The following NLGN4X variants were observed in gnomAD, a reference collection of about 807,000 sequenced individuals.
The protein encoded by NLGN4X is neuroligin-4, X-linked.
In NLGN4X, 3 loss-of-function variants were observed where a neutral mutation model predicts 40.3. That is an observed-to-expected ratio of 0.07 (90% confidence interval 0.03 to 0.19). The LOEUF (loss-of-function observed/expected upper bound fraction) is 0.19. Ranked by LOEUF, NLGN4X falls within the 10% of genes least tolerant of loss-of-function variation. The pLI, the probability that NLGN4X is intolerant of heterozygous loss-of-function variation, is 1.00. For missense variants in NLGN4X, 382 were observed against 708.3 expected, an observed-to-expected ratio of 0.54 and a Z score of 5.23; for synonymous variants, 270 against 306.8, an observed-to-expected ratio of 0.88 and a Z score of 1.25.
At chrX:5,977,505 A>T (rs1464664658) in intron 3 of NLGN4X, among the ~76,000 whole-genome samples, 2 of 111,452 alleles carry the variant, frequency 1.8e-5, no homozygotes, top group Non-Finnish European at 3.8e-5. Context: ...TACAGGCATG[A>T]GCCACTGTGT....
chrX:6,107,945 T>C lies in NLGN4X; in HGVS notation c.472+43050A>G, dbSNP rs374251710. Among the ~76,000 whole-genome samples, 9 of 112,382 alleles carry C rather than the reference T, an allele frequency of 8.0e-5. No individual in the cohort carries two copies. The South Asian group carries it at 3.3e-3, about 41-fold the overall frequency. On this transcript the variant is annotated intron_variant, in intron 2 of 5. Transcript: ENST00000381095. ...GATGTACTACATTTTCTTTATCCAATGCACTGTTGATGGACACTTAGGTTG... is the reference window on the plus strand; with the variant it reads ...GATGTACTACATTTTCTTTATCCAACGCACTGTTGATGGACACTTAGGTTG...
At chrX:5,941,132 A>C (rs1179365597) in intron 3 of NLGN4X, among the ~76,000 whole-genome samples, 2 of 47,382 alleles carry the variant, frequency 4.2e-5, no homozygotes, top group Admixed American at 2.4e-4. Flanking sequence ...TCCCTCCTAC[A>C]AAAAAAAAAA....
At chrX:5,905,173 TC>T (rs1422341657) in intron 4 of NLGN4X, among the ~76,000 whole-genome samples, 1 of 111,773 alleles carries the variant, frequency 8.9e-6, no homozygotes, top group East Asian at 2.8e-4. Context: ...GAAGTTCCTT[TC>T]CCGCCCTTCT....
intron 3 of NLGN4X, among the ~76,000 whole-genome samples, chrX:5,959,210 C>T (rs1260367899): frequency 8.9e-6 from 1 of 111,955 alleles, no homozygotes; most frequent in Non-Finnish European, 1.9e-5. Flanking sequence ...TTATCTTTCT[C>T]AGTCAGCATC....
chrX:6,095,097 G>A (rs958001453), intron 2 of NLGN4X, among the ~76,000 whole-genome samples: 3 of 57,468 alleles, frequency 5.2e-5, no homozygotes, highest in East Asian at 5.2e-4. Flanking sequence ...TTAAGTACGT[G>A]CGTGCGTGTG....
In NLGN4X at chrX:6,169,824, G is replaced by GA. The variant is rs200628444; in HGVS notation, c.-305-18054dup. On this transcript the variant is annotated intron_variant, in intron 1 of 5. Transcript: ENST00000381095. ...ATTCTGTGACTTCAGTTAAGAAAGG[G>GA]AAAAAAAAATGGGAAGCTTGGGAGA... Among the ~76,000 whole-genome samples, 510 of 108,525 alleles carry GA rather than the reference G, an allele frequency of 4.7e-3. 5 individuals are homozygous for GA. Among genetic ancestry groups the GA allele is most frequent in the African/African-American group, 0.016 (478 of 29,932 alleles). The allele number at this position is 108,525 out of a possible 115,157, so 94.2% of individuals were successfully genotyped here. A position where few individuals can be genotyped will look rare whatever the true frequency, so the allele number is the denominator to read the frequency against.
intron 2 of NLGN4X, among the ~76,000 whole-genome samples, chrX:6,116,070 C>G (rs747582362): frequency 1.0e-4 from 11 of 108,559 alleles, no homozygotes; most frequent in Middle Eastern, 4.7e-3. Context: ...AAGGTGGGTG[C>G]ATCAGGAGGT....
rs1158190141 is a variant in NLGN4X, at chrX:5,972,120, CAT to C, written c.625+57158_625+57159del. 1.7e-3 allele frequency among the ~76,000 whole-genome samples: 188 copies of C among 107,556 alleles called. 1 individual carries two copies. Among genetic ancestry groups the C allele is most frequent in the African/African-American group, 6.5e-3 (183 of 27,992 alleles). 93.4% of individuals were successfully genotyped at this position (107,556 alleles called of 115,157 possible). ...TGTAAACGTAACATACATACACACA[CAT>C]GTGCACACACAGGCACACACACATA... On this transcript the variant is annotated intron_variant, in intron 3 of 5. Transcript: ENST00000381095.
rs763523477 is a variant in NLGN4X, at chrX:6,217,415, C to A, written c.-306+11126G>T. On this transcript the variant is annotated intron_variant, in intron 1 of 5. Coordinates refer to ENST00000381095, the MANE Select transcript of NLGN4X (RefSeq NM_181332.3). ...TAAATTATGTCATATTCTGGTTATT[C>A]ACTTACGGGAGGCTTATCAATTGAG... is the stretch of plus-strand genomic sequence containing the variant. Among the ~76,000 whole-genome samples, 3 of 111,124 alleles carry A rather than the reference C, an allele frequency of 2.7e-5. No homozygotes were observed. In the East Asian group the frequency reaches 8.5e-4, roughly 32 times the overall value.
chrX:6,159,853 C>T (rs1009878578), intron 1 of NLGN4X, among the ~76,000 whole-genome samples: 1 of 112,166 alleles, frequency 8.9e-6, no homozygotes, highest in Non-Finnish European at 1.9e-5. Flanking sequence ...ATAACTGAAG[C>T]GAGACAATCC....
At chrX:6,009,104 T>C (rs1019137677) in intron 3 of NLGN4X, among the ~76,000 whole-genome samples, 3 of 111,869 alleles carry the variant, frequency 2.7e-5, no homozygotes, top group African/African-American at 9.8e-5. Context: ...AATATATACA[T>C]ATATATCACT....
At chrX:6,144,104 A>T (rs905826602) in intron 2 of NLGN4X, among the ~76,000 whole-genome samples, 2 of 111,595 alleles carry the variant, frequency 1.8e-5, no homozygotes, top group African/African-American at 6.5e-5. Context: ...GCAAGACCCC[A>T]TTCAGAGACA....
intron 2 of NLGN4X, among the ~76,000 whole-genome samples, chrX:6,058,171 C>A (rs1170556675): frequency 2.2e-4 from 24 of 111,167 alleles, no homozygotes; most frequent in Non-Finnish European, 1.7e-4. Context: ...TGCACACACA[C>A]ACACACATGT....
chrX:5,999,420 C>T (rs1265844565), intron 3 of NLGN4X, among the ~76,000 whole-genome samples: 2 of 112,355 alleles, frequency 1.8e-5, no homozygotes, highest in African/African-American at 3.2e-5. Context: ...GAAAGCTCAG[C>T]CATGCTGTCA....
chrX:5,975,923 C>T (rs2035165982), intron 3 of NLGN4X, among the ~76,000 whole-genome samples: 1 of 111,331 alleles, frequency 9.0e-6, no homozygotes, highest in Admixed American at 9.6e-5. Flanking sequence ...TAGTCTCCTA[C>T]CTGAAGGCTC....
intron 2 of NLGN4X, among the ~76,000 whole-genome samples, chrX:6,041,700 T>C (rs1175017714): frequency 8.9e-6 from 1 of 112,636 alleles, no homozygotes; most frequent in Non-Finnish European, 1.9e-5. Context: ...GAAAAAGGTG[T>C]TACCTGTGAT....
chrX:6,119,226 T>C (rs1038930311), intron 2 of NLGN4X, among the ~76,000 whole-genome samples: 1 of 111,926 alleles, frequency 8.9e-6, no homozygotes, highest in African/African-American at 3.2e-5. Context: ...GAATGAATGA[T>C]TGAATGCCTA....
At chrX:6,166,760 G>C (rs1258193804) in intron 1 of NLGN4X, among the ~76,000 whole-genome samples, 2 of 110,895 alleles carry the variant, frequency 1.8e-5, no homozygotes, top group Non-Finnish European at 3.8e-5. Flanking sequence ...TGGAAGACCT[G>C]CCCTGAGCAT....
intron 3 of NLGN4X, among the ~76,000 whole-genome samples, chrX:5,982,113 A>G (rs1041840040): frequency 4.4e-5 from 5 of 112,463 alleles, no homozygotes; most frequent in South Asian, 3.7e-4. Context: ...ACACCAAAAT[A>G]GCCAAACATA....
Sources: gnomAD v4.1 joint callset for allele counts (sites outside exome capture counted in the v4.1 genomes callset) on GRCh38, gnomAD v4.1.1 for gene constraint, MANE v1.5 for transcripts, NCBI Gene and HGNC (gene_info 2026-07-23, HGNC 2026-07-21) for gene names.